ZNF25: variants seen among roughly 807,000 people sequenced by gnomAD.
The protein encoded by ZNF25 is zinc finger protein 25.
Under a neutral mutation model 30.9 loss-of-function variants are expected in ZNF25, and 21 were observed. That is an observed-to-expected ratio of 0.68 (90% CI 0.48 to 0.98). The LOEUF (loss-of-function observed/expected upper bound fraction) is 0.98, where lower values mean the gene tolerates loss of function less well. Among genes scored for constraint, ZNF25 ranks in the 50% least tolerant of loss-of-function variants. The pLI is 0.00. For synonymous variants in ZNF25, 169 were observed against 181.3 expected, an observed-to-expected ratio of 0.93 and a Z score of 0.55; for missense variants, 501 against 529.9, an observed-to-expected ratio of 0.95 and a Z score of 0.54.
intron 2 of ZNF25, among the ~76,000 whole-genome samples, chr10:37,960,479 C>A (rs938418533): frequency 1.3e-5 from 2 of 150,688 alleles, no homozygotes; most frequent in African/African-American, 4.9e-5. Flanking sequence ...AAAAAATTAG[C>A]CGGGCGTGGT....
intron 2 of ZNF25, among the ~76,000 whole-genome samples, chr10:37,958,736 A>C (rs1241104903): frequency 1.3e-5 from 2 of 151,876 alleles, no homozygotes; most frequent in Non-Finnish European, 2.9e-5. Flanking sequence ...AGTGAGACAC[A>C]GTAAGACTCT....
intron 2 of ZNF25, among the ~76,000 whole-genome samples, chr10:37,970,165 A>G (rs1188301274): frequency 2.0e-5 from 3 of 152,222 alleles, no homozygotes; most frequent in African/African-American, 7.2e-5. Context: ...TCTGATTATT[A>G]AACATTTACT....
intron 1 of ZNF25, 21 bp from the exon 2 acceptor site, chr10:37,971,828 A>ATTTATATAATTGTATGG: frequency 6.8e-7 from 1 of 1,480,172 alleles, no homozygotes; most frequent in Non-Finnish European, 9.4e-7. Flanking sequence ...TTTCCATACA[A>ATTTATATAATTGTATGG]CATTTTAGTA....
intron 2 of ZNF25, among the ~76,000 whole-genome samples, chr10:37,964,654 G>A (rs1208652): frequency 0.06 from 9,121 of 152,236 alleles, 354 homozygotes; most frequent in Middle Eastern, 0.095. Flanking sequence ...AATAGCCTTT[G>A]ATCAAATATA....
At position 37,953,705 on chromosome 10, in the gene ZNF25, C is replaced by A; in HGVS notation, c.292G>T (p.Gly98Ter). Residue 98 changes from glycine to a stop codon, truncating the protein, a stop_gained, in exon 5 of 6, where the codon GGA (glycine) becomes TGA (stop). Coordinates refer to ENST00000302609, the MANE Select transcript of ZNF25 (RefSeq NM_145011.4). LOFTEE classifies it low-confidence loss of function (END_TRUNC). Reference protein sequence around the residue: ...LEARYQESQAGNSRNGELTKH... With the variant: ...LEARYQESQA Reference sequence around the variant, plus strand: ...AATTCTTGAACTTGCCTTGAATTTCCAGCTTGGCTTTCCTGGTATCTTGCT... The same window carrying A: ...AATTCTTGAACTTGCCTTGAATTTCAAGCTTGGCTTTCCTGGTATCTTGCT... 1 of 1,613,920 alleles carries A rather than the reference C, an allele frequency of 6.2e-7. No homozygotes were observed. Among genetic ancestry groups the A allele is most frequent in the Non-Finnish European group, 8.5e-7 (1 of 1,179,912 alleles).
At chr10:37,965,323 C>A (rs2063122160) in intron 2 of ZNF25, among the ~76,000 whole-genome samples, 1 of 152,170 alleles carries the variant, frequency 6.6e-6, no homozygotes, top group South Asian at 2.1e-4. Flanking sequence ...AAGGGGACCA[C>A]TGCCCTCCAT....
rs753819075 is a variant in ZNF25, at chr10:37,952,172, A to T, written c.1326T>A (p.Thr442=). ...GETFIQKSQL[T]AHQKTHTKKR... Reference sequence around the variant, plus strand: ...TCTTTGTGTGTGTCTTCTGATGTGCAGTGAGTTGTGACTTCTGGATAAAGG... The same window carrying T: ...TCTTTGTGTGTGTCTTCTGATGTGCTGTGAGTTGTGACTTCTGGATAAAGG... The change falls in exon 6 of 6, where the codon ACT becomes ACA. Residue 442 remains threonine (T), a synonymous_variant. Coordinates refer to ENST00000302609, the MANE Select transcript of ZNF25 (RefSeq NM_145011.4). 3 of 1,603,244 alleles carry T rather than the reference A, an allele frequency of 1.9e-6. No individual in the cohort carries two copies. In the East Asian group the frequency reaches 6.7e-5, roughly 36 times the overall value.
At chr10:37,969,093 C>A (rs965701560) in intron 2 of ZNF25, among the ~76,000 whole-genome samples, 1 of 152,138 alleles carries the variant, frequency 6.6e-6, no homozygotes, top group African/African-American at 2.4e-5. Flanking sequence ...TTCACCCCCC[C>A]ACCCCAATTA....
Position 37,952,153 on chromosome 10 carries a change from T to C in ZNF25, c.1345A>G (p.Thr449Ala). Residue 449 changes from threonine (T) to alanine (A), a missense_variant, in exon 6 of 6, where the codon ACA becomes GCA. Transcript: ENST00000302609. ...SQLTAHQKTH[T>A]KKRNAEK ...TACTTCTCAGCATTCCTCTTCTTTG[T>C]GTGTGTCTTCTGATGTGCAGTGAGT... The C allele has an allele frequency of 6.3e-7, 1 of 1,578,160 alleles. No individual in the cohort carries two copies. The highest frequency in any genetic ancestry group is 8.6e-7 in the Non-Finnish European group (1 of 1,163,964).
chr10:37,963,859 C>A (rs545968364), intron 2 of ZNF25, among the ~76,000 whole-genome samples: 1 of 152,256 alleles, frequency 6.6e-6, no homozygotes, highest in South Asian at 2.1e-4. Flanking sequence ...CCTGTAGTCT[C>A]AACTACTTGG....
At chr10:37,959,795 A>T (rs1198277848) in intron 2 of ZNF25, among the ~76,000 whole-genome samples, 1 of 149,158 alleles carries the variant, frequency 6.7e-6, no homozygotes, top group East Asian at 2.0e-4. Flanking sequence ...TTTTTAGTAG[A>T]GATGCGGTTT....
At chr10:37,968,876 A>C (rs554661812) in intron 2 of ZNF25, among the ~76,000 whole-genome samples, 7 of 152,270 alleles carry the variant, frequency 4.6e-5, no homozygotes, top group African/African-American at 1.7e-4. Flanking sequence ...GTGGGTTCTG[A>C]AGGGCTGACT....
intron 2 of ZNF25, among the ~76,000 whole-genome samples, chr10:37,968,217 C>T (rs570688435): frequency 6.7e-6 from 1 of 149,160 alleles, no homozygotes; most frequent in South Asian, 2.1e-4. Flanking sequence ...GCCATCATGC[C>T]TAACTGATTT....
In ZNF25 at chr10:37,952,636, A is replaced by G. The variant is rs2062226055; in HGVS notation, c.862T>C (p.Cys288Arg). ...GAGAAGAATTTCCCACATTCCTTAC[A>G]TTTATAGGGTTTCTCCCCTGTGTGC... Reference protein sequence around the residue: ...RMHTGEKPYKCKECGKFFSRN... With the variant: ...RMHTGEKPYKRKECGKFFSRN... The change falls in exon 6 of 6, where the codon TGT (cysteine) becomes CGT (arginine). Residue 288 changes from cysteine (C) to arginine (R), a missense_variant. By Grantham distance (180) the Cys-to-Arg change is radical. Coordinates refer to ENST00000302609, the MANE Select transcript of ZNF25 (RefSeq NM_145011.4). 6.2e-7 allele frequency: 1 copy of G among 1,613,536 alleles called. No homozygotes were observed. Among genetic ancestry groups the G allele is most frequent in the Admixed American group, 1.7e-5 (1 of 59,952 alleles).
intron 2 of ZNF25, among the ~76,000 whole-genome samples, chr10:37,960,623 C>CAAAAAAAA (rs201582068): frequency 1.2e-4 from 8 of 65,704 alleles, no homozygotes; most frequent in East Asian, 4.4e-4. Flanking sequence ...GACTCCATCT[C>CAAAAAAAA]AAAAAAAAAA....
intron 1 of ZNF25, among the ~76,000 whole-genome samples, chr10:37,973,133 A>G (rs1483294626): frequency 1.3e-5 from 2 of 150,436 alleles, no homozygotes; most frequent in African/African-American, 4.9e-5. Context: ...ATGCCACTGC[A>G]CTCCAGCCTA....
chr10:37,957,397 A>G, intron 3 of ZNF25, 23 bp downstream of exon 3: 1 of 1,608,476 alleles, frequency 6.2e-7, no homozygotes, highest in Non-Finnish European at 8.5e-7. Flanking sequence ...ACTGGGATTT[A>G]CACCTGGGGA....
chr10:37,953,055 C>T lies in ZNF25; in HGVS notation c.443G>A (p.Cys148Tyr). ...HTHSKGKSYD[C>Y]DKCGKSFSKN... is the part of the protein sequence containing the mutation. ...AGAGAAAGATTTCCCACATTTATCA[C>T]AGTCATAGGATTTGCCCTTTGAGTG... The change falls in exon 6 of 6, where the codon TGT becomes TAT. Residue 148 changes from cysteine (C) to tyrosine (Y), a missense_variant. Transcript: ENST00000302609. 6.2e-7 allele frequency: 1 copy of T among 1,614,040 alleles called. No homozygotes were observed. Among genetic ancestry groups the T allele is most frequent in the Non-Finnish European group, 8.5e-7 (1 of 1,180,006 alleles).
chr10:37,955,230 C>T (rs1052699539), intron 4 of ZNF25, among the ~76,000 whole-genome samples: 1 of 151,784 alleles, frequency 6.6e-6, no homozygotes, highest in Admixed American at 6.6e-5. Flanking sequence ...TTGGGGGCCA[C>T]AAGGAGAAAT....
Sources: allele counts gnomAD v4.1 joint callset (sites outside exome capture counted in the v4.1 genomes callset), GRCh38; gene constraint gnomAD v4.1.1; transcripts MANE v1.5; gene names NCBI Gene and HGNC (gene_info 2026-07-23, HGNC 2026-07-21).